Variants in CCNY observed in about 807,000 individuals in gnomAD.
The protein encoded by CCNY is cyclin-Y.
CCNY carries 19 observed loss-of-function variants against 42.8 expected under a neutral mutation model. That is an observed-to-expected ratio of 0.44 (90% CI 0.31 to 0.65). The LOEUF (loss-of-function observed/expected upper bound fraction) is 0.65, where lower values mean the gene tolerates loss of function less well. CCNY is among the 30% of genes least tolerant of loss of function. The probability of loss-of-function intolerance (pLI) is 0.07; values close to 1 mark genes in which losing one functional copy is unlikely to be tolerated. For synonymous variants in CCNY, 165 were observed against 162.7 expected (o/e 1.01, Z -0.11); for missense variants, 370 against 437.3 (o/e 0.85, Z 1.37).
chr10:35,517,807 G>A (rs1027646383), intron 4 of CCNY, among the ~76,000 whole-genome samples: 7 of 152,318 alleles, frequency 4.6e-5, no homozygotes, highest in East Asian at 3.9e-4. Context: ...GCTCCACCAC[G>A]CATGCCCTTG....
chr10:35,404,991 C>G (rs1441599514), intron 1 of CCNY, among the ~76,000 whole-genome samples: 2 of 152,038 alleles, frequency 1.3e-5, no homozygotes, highest in Non-Finnish European at 2.9e-5. Context: ...TGTTTGAGAT[C>G]CAGAACAGAA....
intron 1 of CCNY, among the ~76,000 whole-genome samples, chr10:35,406,168 T>A (rs1430369267): frequency 6.9e-6 from 1 of 144,016 alleles, no homozygotes; most frequent in African/African-American, 2.6e-5. Context: ...GAGTCTAATT[T>A]TTGGAGCTTT....
intron 1 of CCNY, among the ~76,000 whole-genome samples, chr10:35,473,605 T>C (rs991170855): frequency 3.3e-5 from 5 of 152,210 alleles, no homozygotes; most frequent in South Asian, 2.1e-4. Flanking sequence ...AATTAGTGTT[T>C]AGATTATTAC....
chr10:35,560,584 T>A (rs1232899247), intron 8 of CCNY, among the ~76,000 whole-genome samples: 2 of 152,012 alleles, frequency 1.3e-5, no homozygotes, highest in Non-Finnish European at 2.9e-5. Context: ...GGGGAAAAAA[T>A]TCCCGTTGTT....
chr10:35,400,147 G>A (rs1837612836), intron 1 of CCNY, among the ~76,000 whole-genome samples: 1 of 152,104 alleles, frequency 6.6e-6, no homozygotes, highest in African/African-American at 2.4e-5. Context: ...TTTTCTTCCA[G>A]CACCATCTAT....
intron 2 of CCNY, among the ~76,000 whole-genome samples, chr10:35,487,738 A>G (rs1839816425): frequency 6.6e-6 from 1 of 152,130 alleles, no homozygotes. Flanking sequence ...CCAAAGCCAG[A>G]GTGACTGCTT....
intron 1 of CCNY, among the ~76,000 whole-genome samples, chr10:35,368,964 A>C (rs1238404712): frequency 6.6e-6 from 1 of 152,154 alleles, no homozygotes; most frequent in African/African-American, 2.4e-5. Flanking sequence ...TTGGCTTCAG[A>C]AGTTGTTCAG....
chr10:35,512,360 G>A (rs1840341405), intron 3 of CCNY, among the ~76,000 whole-genome samples: 1 of 152,024 alleles, frequency 6.6e-6, no homozygotes, highest in African/African-American at 2.4e-5. Context: ...TAATGAGAGT[G>A]GGTGAGAGTC....
intron 1 of CCNY, among the ~76,000 whole-genome samples, chr10:35,374,372 C>G (rs1181247888): frequency 6.6e-6 from 1 of 152,200 alleles, no homozygotes. Context: ...GGAAAAGAAG[C>G]TTTCTCTAGG....
intron 3 of CCNY, among the ~76,000 whole-genome samples, chr10:35,253,694 T>C (rs922396547): frequency 3.3e-5 from 5 of 152,022 alleles, no homozygotes; most frequent in Admixed American, 2.6e-4. Context: ...AGACCATTCA[T>C]AGAGGCTAAC....
chr10:35,296,388 A>G (rs1270710422), intron 3 of CCNY, among the ~76,000 whole-genome samples: 1 of 152,228 alleles, frequency 6.6e-6, no homozygotes, highest in Non-Finnish European at 1.5e-5. Context: ...GAGACCAGCC[A>G]GGCCAAAATG....
intron 3 of CCNY, among the ~76,000 whole-genome samples, chr10:35,285,521 C>T (rs1835343226): frequency 6.6e-6 from 1 of 152,130 alleles, no homozygotes; most frequent in Non-Finnish European, 1.5e-5. Flanking sequence ...ACTTCCTGTA[C>T]TCAAGTGATC....
intron 4 of CCNY, among the ~76,000 whole-genome samples, chr10:35,521,766 G>A (rs1047929877): frequency 1.3e-5 from 2 of 152,236 alleles, no homozygotes; most frequent in South Asian, 2.1e-4. Flanking sequence ...ATGGCACCCC[G>A]TTCACTGCCA....
chr10:35,352,883 T>C (rs1836458865), intron 1 of CCNY, among the ~76,000 whole-genome samples: 1 of 152,206 alleles, frequency 6.6e-6, no homozygotes, highest in Admixed American at 6.5e-5. Flanking sequence ...GGTAATTTGC[T>C]TCTGAAAGAT....
At chr10:35,531,372 T>G (rs1170530374) in intron 7 of CCNY, among the ~76,000 whole-genome samples, 1 of 152,236 alleles carries the variant, frequency 6.6e-6, no homozygotes, top group Admixed American at 6.5e-5. Flanking sequence ...AGAAACCCTG[T>G]TGGCTTGTTG....
At chr10:35,548,172 A>G (rs1308941836) in intron 7 of CCNY, among the ~76,000 whole-genome samples, 2 of 151,532 alleles carry the variant, frequency 1.3e-5, no homozygotes, top group African/African-American at 4.9e-5. Context: ...ATTATTATTT[A>G]TTTTTCGTGT....
chr10:35,455,008 G>A (rs1838998485), intron 1 of CCNY, among the ~76,000 whole-genome samples: 1 of 152,186 alleles, frequency 6.6e-6, no homozygotes, highest in Non-Finnish European at 1.5e-5. Flanking sequence ...AATAACCATT[G>A]AAGGGCTTCA....
intron 1 of CCNY, among the ~76,000 whole-genome samples, chr10:35,479,746 C>T (rs1010682302): frequency 1.3e-5 from 2 of 151,236 alleles, no homozygotes; most frequent in African/African-American, 4.9e-5. Flanking sequence ...TACCCTAAAA[C>T]TTAAAGTATA....
intron 8 of CCNY, among the ~76,000 whole-genome samples, chr10:35,554,555 T>C (rs1434740479): frequency 6.6e-6 from 1 of 152,176 alleles, no homozygotes; most frequent in African/African-American, 2.4e-5. Flanking sequence ...CTGTTTTCTT[T>C]ATTGGGGATT....
Sources: gnomAD v4.1 joint callset for allele counts (sites outside exome capture counted in the v4.1 genomes callset) on GRCh38, gnomAD v4.1.1 for gene constraint, MANE v1.5 for transcripts, NCBI Gene and HGNC (gene_info 2026-07-23, HGNC 2026-07-21) for gene names.